Variants in KIF23 observed in about 807,000 individuals in gnomAD.
KIF23 encodes the protein kinesin family member 23.
KIF23 carries 30 observed loss-of-function variants against 137.5 expected under a neutral mutation model. That is an observed-to-expected ratio of 0.22 (90% confidence interval 0.16 to 0.30). KIF23 has a LOEUF of 0.30. Among genes scored for constraint, KIF23 ranks in the 10% least tolerant of loss-of-function variants. KIF23 has a pLI of 1.00. For missense variants in KIF23, 920 were observed against 1,194.3 expected (o/e 0.77, Z 3.38); for synonymous variants, 367 against 391.1 (o/e 0.94, Z 0.73).
Position 69,448,011 on chromosome 15 carries a change from A to T in KIF23, c.*204A>T. 1 of 396,468 alleles carries T rather than the reference A, an allele frequency of 2.5e-6. No homozygotes were observed. The highest frequency in any genetic ancestry group is 4.5e-6 in the Non-Finnish European group (1 of 221,572). 24.6% of individuals were successfully genotyped at this position (396,468 alleles called of 1,614,324 possible). On this transcript the variant is annotated 3_prime_UTR_variant, in exon 24 of 24. Coordinates refer to ENST00000679126, the MANE Select transcript of KIF23 (RefSeq NM_001367805.3). ...TAGTATTCAACAAACCTTGTATAGTATATGTTTTGCCATATTTAATATTAA... is the reference window on the plus strand; with the variant it reads ...TAGTATTCAACAAACCTTGTATAGTTTATGTTTTGCCATATTTAATATTAA...
chr15:69,446,410 G>A, intron 22 of KIF23, 46 bp downstream of exon 22: 1 of 1,506,302 alleles, frequency 6.6e-7, no homozygotes, highest in Non-Finnish European at 9.2e-7. Flanking sequence ...AATTAGGTTT[G>A]TCATGTTTTA....
chr15:69,436,795 C>A, intron 15 of KIF23, 73 bp downstream of exon 15: 1 of 1,011,382 alleles, frequency 9.9e-7, no homozygotes, highest in Non-Finnish European at 1.3e-6. Flanking sequence ...CACTCTGTAC[C>A]CCAGGGTGGA....
At chr15:69,429,602 C>T (rs888842431) in intron 11 of KIF23, among the ~76,000 whole-genome samples, 2 of 152,124 alleles carry the variant, frequency 1.3e-5, no homozygotes, top group African/African-American at 2.4e-5. Flanking sequence ...CCACTGTAAC[C>T]GGCCTCGATG....
chr15:69,421,007 T>G (rs1367538275), intron 3 of KIF23, among the ~76,000 whole-genome samples: 3 of 152,260 alleles, frequency 2.0e-5, no homozygotes, highest in Admixed American at 6.5e-5. Context: ...CACAAATCTG[T>G]GACTATGAAT....
At chr15:69,434,738 G>T in intron 11 of KIF23, 1 of 1,284,632 alleles carries the variant, frequency 7.8e-7, no homozygotes, top group Non-Finnish European at 1.1e-6. Context: ...CCTTGGGCAC[G>T]AACGCGCTGA....
chr15:69,434,995 G>C, intron 11 of KIF23: 1 of 613,836 alleles, frequency 1.6e-6, no homozygotes, highest in Admixed American at 2.7e-5. Context: ...TTCAGAAACA[G>C]CACGGACTCG....
intron 11 of KIF23, among the ~76,000 whole-genome samples, chr15:69,429,555 C>G (rs2057299267): frequency 6.6e-6 from 1 of 152,104 alleles, no homozygotes; most frequent in Admixed American, 6.5e-5. Flanking sequence ...AATCTCTCAC[C>G]TTGGCCGCCC....
intron 15 of KIF23, among the ~76,000 whole-genome samples, chr15:69,437,840 A>G (rs1335345072): frequency 6.6e-6 from 1 of 152,182 alleles, no homozygotes; most frequent in Non-Finnish European, 1.5e-5. Context: ...TCCATACTGA[A>G]ATGAAATTTG....
intron 1 of KIF23, among the ~76,000 whole-genome samples, chr15:69,415,230 A>G (rs1283601331): frequency 6.6e-6 from 1 of 152,240 alleles, no homozygotes; most frequent in African/African-American, 2.4e-5. Context: ...GAAAAAAATT[A>G]TATATAAGAA....
intron 18 of KIF23, 125 bp from the exon 19 acceptor site, chr15:69,440,643 C>CA (rs899233947): frequency 4.4e-6 from 5 of 1,128,178 alleles, no homozygotes; most frequent in East Asian, 2.7e-5. Flanking sequence ...AAATTTAGCA[C>CA]AAAAAAATAG....
intron 1 of KIF23, 156 bp downstream of exon 1, chr15:69,414,632 C>T (rs2056843669): frequency 1.3e-6 from 1 of 797,920 alleles, no homozygotes; most frequent in African/African-American, 1.8e-5. Context: ...AAGTGGGAAC[C>T]TCCACGTGTG....
intron 1 of KIF23, 200 bp downstream of exon 1, chr15:69,414,676 T>C (rs2056845983): frequency 2.0e-6 from 1 of 504,918 alleles, no homozygotes; most frequent in Non-Finnish European, 3.2e-6. Context: ...CGGAGACCCC[T>C]GCCGCGTCGC....
chr15:69,434,648 G>A (rs556556994), intron 11 of KIF23: 1 of 1,470,298 alleles, frequency 6.8e-7, no homozygotes, highest in Non-Finnish European at 9.5e-7. Context: ...AAAAGTCATG[G>A]AGGATGTCTC....
At chr15:69,426,499 T>C (rs560279255) in intron 10 of KIF23, 42 bp downstream of exon 10, 2 of 1,594,522 alleles carry the variant, frequency 1.3e-6, no homozygotes, top group Admixed American at 1.8e-5. Context: ...TCTAACTCTA[T>C]CCTTAATTTT....
At chr15:69,434,826 G>T in intron 11 of KIF23, 1 of 948,042 alleles carries the variant, frequency 1.1e-6, no homozygotes. Flanking sequence ...CACGTCCCTG[G>T]CAGTAATGTC....
chr15:69,424,880 C>A (rs1476560797), intron 7 of KIF23, among the ~76,000 whole-genome samples: 1 of 152,222 alleles, frequency 6.6e-6, no homozygotes, highest in African/African-American at 2.4e-5. Flanking sequence ...TGACTCTAAT[C>A]TTGAGTATAC....
Position 69,434,678 on chromosome 15 carries a change from G to A in KIF23, c.1115-805G>A, listed in dbSNP as rs370296770. 1.6e-5 allele frequency: 24 copies of A among 1,479,486 alleles called. No homozygotes were observed. In the African/African-American group the frequency reaches 2.4e-4, roughly 15 times the overall value. 91.6% of individuals were successfully genotyped at this position (1,479,486 alleles called of 1,614,324 possible). On this transcript the variant is annotated intron_variant, in intron 11 of 23. Transcript: ENST00000679126. ...TGTCTCACCCTCCTGTCTTGAGTTC[G>A]CCGTTGACCTTGAGCCAGAGCCTCA...
intron 10 of KIF23, chr15:69,427,301 CGAG>C (rs2057222795): frequency 2.3e-6 from 1 of 427,698 alleles, no homozygotes; most frequent in Non-Finnish European, 4.7e-6. Flanking sequence ...ACTAATCCCT[CGAG>C]GACACCAAGG....
At position 69,426,167 on chromosome 15, in the gene KIF23, G is replaced by C. The variant is rs763331945; in HGVS notation, c.874G>C (p.Glu292Gln). 4.4e-6 allele frequency: 7 copies of C among 1,608,436 alleles called. No homozygotes were observed. In the Middle Eastern group the frequency reaches 6.6e-4, roughly 152 times the overall value. ...VEVKSTEEAFEVFWRGQKKRR... is the reference protein window; with the variant it reads ...VEVKSTEEAFQVFWRGQKKRR... ...AGTGAAATCTACTGAGGAGGCTTTT[G>C]AAGTTTTCTGGAGAGGTTAGAAACA... is the stretch of plus-strand genomic sequence containing the variant. Residue 292 changes from glutamate to glutamine, a missense_variant, in exon 9 of 24, where the codon GAA becomes CAA. Around this residue, in one of 4 missense-constraint regions of KIF23, gnomAD observed 714 missense variants for 866.2 expected, o/e 0.82. Coordinates refer to ENST00000679126, the MANE Select transcript of KIF23 (RefSeq NM_001367805.3).
Sources: allele counts gnomAD v4.1 joint callset (sites outside exome capture counted in the v4.1 genomes callset), GRCh38; gene constraint gnomAD v4.1.1; regional missense constraint gnomAD v4.1.1; transcripts MANE v1.5; gene names NCBI Gene and HGNC (gene_info 2026-07-23, HGNC 2026-07-21).